The following CAPN14 variants were observed in gnomAD, a reference collection of about 807,000 sequenced individuals.
The protein encoded by CAPN14 is calpain 14, also known as calpain-14.
Under a neutral mutation model 101.3 loss-of-function variants are expected in CAPN14, and 94 were observed. The observed-to-expected ratio is 0.93, with a 90% confidence interval of 0.79 to 1.10. CAPN14 has a LOEUF of 1.10. CAPN14 is among the 50% of genes least tolerant of loss of function. CAPN14 has a pLI of 0.00. For missense variants in CAPN14, 837 were observed against 828.4 expected (o/e 1.01, Z -0.13); for synonymous variants, 338 against 317.9 (o/e 1.06, Z -0.67).
chr2:31,209,837 A>G (rs1307099138), intron 1 of CAPN14, among the ~76,000 whole-genome samples: 2 of 152,156 alleles, frequency 1.3e-5, no homozygotes, highest in East Asian at 3.8e-4. Flanking sequence ...TGTCCATACC[A>G]TGGAATGGGT....
chr2:31,200,143 A>G (rs1681677411), intron 6 of CAPN14, among the ~76,000 whole-genome samples: 1 of 152,116 alleles, frequency 6.6e-6, no homozygotes, highest in Admixed American at 6.5e-5. Flanking sequence ...AGCTGGGATT[A>G]CAGGTGACCA....
chr2:31,174,772 C>T, intron 21 of CAPN14, 65 bp from the exon 22 acceptor site: 2 of 1,470,232 alleles, frequency 1.4e-6, no homozygotes, highest in Non-Finnish European at 1.9e-6. Context: ...GCCTCCCCAT[C>T]CCACACTCCT....
chr2:31,204,835 T>C (rs1403109698), intron 2 of CAPN14, among the ~76,000 whole-genome samples: 1 of 152,112 alleles, frequency 6.6e-6, no homozygotes, highest in Admixed American at 6.5e-5. Context: ...AGCAAATTAA[T>C]CAAACCCAAG....
chr2:31,183,931 G>T (rs13020110), intron 16 of CAPN14, among the ~76,000 whole-genome samples: 1 of 147,416 alleles, frequency 6.8e-6, no homozygotes, highest in Non-Finnish European at 1.5e-5. Flanking sequence ...CTATCACCCA[G>T]ACTGGAGTGG....
chr2:31,187,651 C>A, intron 15 of CAPN14, 107 bp downstream of exon 15: 1 of 949,792 alleles, frequency 1.1e-6, no homozygotes, highest in African/African-American at 1.7e-5. Context: ...CCTTAAATCA[C>A]AGTTTCTAAG....
At position 31,228,041 on chromosome 2, in the gene CAPN14, G is replaced by A. The variant is rs117784784; in HGVS notation, c.-176-1390C>T. Among the ~76,000 whole-genome samples the A allele has an allele frequency of 1.2e-4, 18 of 152,358 alleles. No individual in the cohort carries two copies. In the East Asian group the frequency reaches 3.5e-3, roughly 29 times the overall value. Reference sequence around the variant, plus strand: ...AAGACTGAGGCTGAAGACAGGGTGTGCAAAGGAGCCCGCGTGGTGAGGAGC... The same window carrying A: ...AAGACTGAGGCTGAAGACAGGGTGTACAAAGGAGCCCGCGTGGTGAGGAGC... On this transcript the variant is annotated intron_variant and NMD_transcript_variant, in intron 1 of 21. Transcript: ENST00000398824.
rs1006183555 is a variant in CAPN14, at chr2:31,193,236, G to C, written c.1009C>G (p.Pro337Ala). 2 of 1,551,622 alleles carry C rather than the reference G, an allele frequency of 1.3e-6. No individual in the cohort carries two copies. The highest frequency in any genetic ancestry group is 1.2e-5 in the South Asian group (1 of 84,058). Residue 337 changes from proline to alanine, a missense_variant, in exon 10 of 22, where the codon CCA (proline) becomes GCA (alanine). Transcript: ENST00000403897. The stretch of plus-strand genomic sequence containing the variant: ...GCCGCCTCCTGGCTCAACAGGCCTG[G>C]GGTCAGTTTACAGATAACCAGGAGC... ...FVLLVICKLT[P>A]GLLSQEAAQK...
intron 11 of CAPN14, 41 bp from the exon 12 acceptor site, chr2:31,191,448 GGAGA>G (rs557201686): frequency 1.3e-5 from 19 of 1,444,244 alleles, no homozygotes; most frequent in Middle Eastern, 2.4e-4. Flanking sequence ...AAAAAAAAGA[GGAGA>G]GAGAGATCTC....
intron 1 of CAPN14, among the ~76,000 whole-genome samples, chr2:31,232,287 C>T (rs1324249003): frequency 2.0e-5 from 3 of 152,198 alleles, no homozygotes; most frequent in African/African-American, 7.2e-5. Context: ...CTGTGCCTCA[C>T]CCTTATGTCC....
chr2:31,214,066 A>G (rs1572437967), intron 1 of CAPN14, among the ~76,000 whole-genome samples: 2 of 152,222 alleles, frequency 1.3e-5, no homozygotes, highest in African/African-American at 4.8e-5. Context: ...CCCAACTATG[A>G]GTTCTTGAAG....
chr2:31,186,980 A>G (rs982454037), intron 15 of CAPN14, among the ~76,000 whole-genome samples: 3 of 152,212 alleles, frequency 2.0e-5, no homozygotes, highest in Non-Finnish European at 4.4e-5. Context: ...ATGGAGGAAA[A>G]CTTTAACAAA....
chr2:31,232,080 C>T (rs1028271840), intron 1 of CAPN14, among the ~76,000 whole-genome samples: 1 of 152,084 alleles, frequency 6.6e-6, no homozygotes, highest in Non-Finnish European at 1.5e-5. Flanking sequence ...CTCTGATAAT[C>T]CCCCCTCCCC....
chr2:31,205,618 A>ACAGAAGCAGGTGGTTCGATTTTGTCC, intron 1 of CAPN14, 119 bp from the exon 2 acceptor site: 1 of 645,002 alleles, frequency 1.6e-6, no homozygotes, highest in Non-Finnish European at 2.8e-6. Context: ...TGAGAAAGAG[A>ACAGAAGCAGGTGGTTCGATTTTGTCC]CAGAAGCAGG....
intron 18 of CAPN14, 39 bp downstream of exon 18, chr2:31,178,472 A>G (rs1359506694): frequency 9.4e-6 from 14 of 1,486,762 alleles, no homozygotes; most frequent in Middle Eastern, 1.7e-4. Context: ...CCATTCCTAC[A>G]CCATCTTCCA....
At chr2:31,202,310 A>G in intron 3 of CAPN14, 58 bp from the exon 4 acceptor site, 1 of 1,370,100 alleles carries the variant, frequency 7.3e-7, no homozygotes, top group East Asian at 2.5e-5. Context: ...ATGACTGCAG[A>G]AAATGCCCGG....
chr2:31,197,095 T>C (rs1681504074), intron 8 of CAPN14, among the ~76,000 whole-genome samples, 154 bp downstream of exon 8: 1 of 152,204 alleles, frequency 6.6e-6, no homozygotes, highest in Non-Finnish European at 1.5e-5. Context: ...CCATAAAGCA[T>C]CTTCTAAATG....
chr2:31,202,018 C>T lies in CAPN14; in HGVS notation c.415-20G>A. 1.9e-6 allele frequency: 3 copies of T among 1,551,248 alleles called. No homozygotes were observed. The highest frequency in any genetic ancestry group is 1.2e-5 in the South Asian group (1 of 84,048). On this transcript the variant is annotated intron_variant, in intron 4 of 21. Transcript: ENST00000403897. ...CCAGAACTGGAGGGAGAGAGTGGCC[C>T]CGGGTGAATGAGGACTGCTGCAGAT...
Position 31,177,085 on chromosome 2 carries a change from C to CG in CAPN14, c.1912dup (p.Arg638ProfsTer58). On this transcript the variant is annotated frameshift_variant, in exon 20 of 22. Transcript: ENST00000403897. LOFTEE classifies it high-confidence loss of function. ...GAAACTGACAAAGTCCATCTGGAGG[C>CG]GGGGGCCGCCGTAGCGGATGAGCAT... 11 of 1,551,292 alleles carry CG rather than the reference C, an allele frequency of 7.1e-6. No individual in the cohort carries two copies. The highest frequency in any genetic ancestry group is 9.6e-6 in the Non-Finnish European group (11 of 1,146,784).
At chr2:31,179,105 G>C (rs942246523) in intron 17 of CAPN14, among the ~76,000 whole-genome samples, 11 of 134,704 alleles carry the variant, frequency 8.2e-5, no homozygotes, top group African/African-American at 3.1e-4. Flanking sequence ...TTAAGTTCTA[G>C]GGTACATGTG....
Sources: gnomAD v4.1 joint callset for allele counts (sites outside exome capture counted in the v4.1 genomes callset) on GRCh38, gnomAD v4.1.1 for gene constraint, MANE v1.5 for transcripts, NCBI Gene and HGNC (gene_info 2026-07-23, HGNC 2026-07-21) for gene names.